The following GLP2R variants were observed in gnomAD, a reference collection of about 807,000 sequenced individuals.
GLP2R encodes glucagon-like peptide 2 receptor.
In GLP2R, 59 loss-of-function variants were observed where a neutral mutation model predicts 68.2. That is an observed-to-expected ratio of 0.87 (90% CI 0.70 to 1.07). GLP2R has a LOEUF of 1.07. Ranked by LOEUF, GLP2R falls within the 50% of genes least tolerant of loss-of-function variation. The probability of loss-of-function intolerance (pLI) is 0.00; values close to 1 mark genes in which losing one functional copy is unlikely to be tolerated. For synonymous variants in GLP2R, 270 were observed against 265.4 expected (o/e 1.02, Z -0.17); for missense variants, 548 against 677.4 (o/e 0.81, Z 2.12).
At chr17:9,881,023 T>C (rs1446356277) in intron 11 of GLP2R, among the ~76,000 whole-genome samples, 2 of 152,196 alleles carry the variant, frequency 1.3e-5, no homozygotes, top group Middle Eastern at 3.2e-3. Flanking sequence ...TGGTCATCTA[T>C]TGCTTAAATT....
At chr17:9,870,260 T>C (rs948114557) in intron 9 of GLP2R, among the ~76,000 whole-genome samples, 1 of 152,202 alleles carries the variant, frequency 6.6e-6, no homozygotes, top group African/African-American at 2.4e-5. Context: ...AAAATAGTTG[T>C]GGCTACCTTA....
rs1597406054 is a variant in GLP2R, at chr17:9,884,138, A to G, written c.1284+3622A>G. Among the ~76,000 whole-genome samples the G allele has an allele frequency of 2.0e-5, 3 of 152,230 alleles. No individual in the cohort carries two copies. The South Asian group carries it at 6.2e-4, about 31-fold the overall frequency. On this transcript the variant is annotated intron_variant, in intron 11 of 12. Coordinates refer to ENST00000262441, the MANE Select transcript of GLP2R (RefSeq NM_004246.3). ...ATATAGGAGAACATTTTTATATTTT[A>G]CCAGGCTTAAGTTAGTGTTAATATG...
rs370245626 is a variant in GLP2R at position 9,827,696 on chromosome 17, C to A, written c.189+1444C>A. 2.0e-5 allele frequency among the ~76,000 whole-genome samples: 3 copies of A among 152,168 alleles called. No individual in the cohort carries two copies. The East Asian group carries it at 5.8e-4, about 29-fold the overall frequency. On this transcript the variant is annotated intron_variant, in intron 1 of 12. Coordinates refer to ENST00000262441, the MANE Select transcript of GLP2R (RefSeq NM_004246.3). Reference sequence around the variant, plus strand: ...GAATGGCTCAGACTGGGCACGGTAGCTCACGCCTGTAACCCCAACACTTTG... The same window carrying A: ...GAATGGCTCAGACTGGGCACGGTAGATCACGCCTGTAACCCCAACACTTTG...
At position 9,889,955 on chromosome 17, in the gene GLP2R, A is replaced by G. The variant is rs2067277505; in HGVS notation, c.*250A>G. 1 of 574,530 alleles carries G rather than the reference A, an allele frequency of 1.7e-6. No homozygotes were observed. The highest frequency in any genetic ancestry group is 3.3e-6 in the Non-Finnish European group (1 of 303,644). The allele number at this position is 574,530 out of a possible 1,614,324, so 35.6% of individuals were successfully genotyped here. On this transcript the variant is annotated 3_prime_UTR_variant, in exon 13 of 13. Coordinates refer to ENST00000262441, the MANE Select transcript of GLP2R (RefSeq NM_004246.3). ...CAGTGTGTTTTCCACAATGCCCACC[A>G]GACCCTAGGGCCTGGCTCTAAATTC...
chr17:9,827,574 T>C (rs2066643754), intron 1 of GLP2R, among the ~76,000 whole-genome samples: 1 of 152,228 alleles, frequency 6.6e-6, no homozygotes, highest in African/African-American at 2.4e-5. Context: ...TCGTCCTCTT[T>C]CCAAGTTTCC....
rs1331382372 is a variant in GLP2R at position 9,881,494 on chromosome 17, C to T, written c.1284+978C>T. ...CTCCCGGGTTCACGCCATTCTCCTGCCTCAGCCTCCCAAGTAGCTGGGACT... is the reference window on the plus strand; with the variant it reads ...CTCCCGGGTTCACGCCATTCTCCTGTCTCAGCCTCCCAAGTAGCTGGGACT... On this transcript the variant is annotated intron_variant, in intron 11 of 12. Coordinates refer to ENST00000262441, the MANE Select transcript of GLP2R (RefSeq NM_004246.3). Among the ~76,000 whole-genome samples the T allele has an allele frequency of 5.7e-5, 8 of 140,280 alleles. 2 individuals carry two copies. Among genetic ancestry groups the T allele is most frequent in the African/African-American group, 2.5e-4 (8 of 32,600 alleles). The allele number at this position is 140,280 out of a possible 152,430, so 92.0% of individuals were successfully genotyped here. A position where few individuals can be genotyped will look rare whatever the true frequency, so the allele number is the denominator to read the frequency against.
At chr17:9,864,698 T>G (rs940926770) in intron 9 of GLP2R, among the ~76,000 whole-genome samples, 1 of 152,006 alleles carries the variant, frequency 6.6e-6, no homozygotes, top group African/African-American at 2.4e-5. Context: ...AATTTTTGTA[T>G]TTTTAGTAGA....
intron 6 of GLP2R, among the ~76,000 whole-genome samples, chr17:9,858,789 G>A (rs2066957072): frequency 6.6e-6 from 1 of 152,146 alleles, no homozygotes; most frequent in Non-Finnish European, 1.5e-5. Flanking sequence ...TCTTTTTCAA[G>A]TCCATTGGAT....
chr17:9,868,630 G>C (rs1597396164), intron 9 of GLP2R, among the ~76,000 whole-genome samples: 1 of 152,216 alleles, frequency 6.6e-6, no homozygotes, highest in East Asian at 1.9e-4. Context: ...CTTCTTGGAA[G>C]CCCAGATGAG....
chr17:9,826,078 G>A lies in GLP2R; in HGVS notation c.15G>A (p.Ser5=), dbSNP rs114279520. The change falls in exon 1 of 13, where the codon TCG becomes TCA. Residue 5 remains serine (S), a synonymous_variant. Transcript: ENST00000262441. MKLG[S]SRAGPGRGSA... is the part of the protein sequence containing the mutation. ...GCACGAGGAAGATGAAGCTGGGATCGAGCAGGGCAGGGCCTGGGAGAGGAA... is the reference window on the plus strand; with the variant it reads ...GCACGAGGAAGATGAAGCTGGGATCAAGCAGGGCAGGGCCTGGGAGAGGAA... 41 of 1,611,820 alleles carry A rather than the reference G, an allele frequency of 2.5e-5. No homozygotes were observed. In the East Asian group the frequency reaches 5.1e-4, roughly 20 times the overall value.
intron 3 of GLP2R, among the ~76,000 whole-genome samples, chr17:9,841,926 G>C (rs2066790997): frequency 6.6e-6 from 1 of 152,204 alleles, no homozygotes; most frequent in Non-Finnish European, 1.5e-5. Flanking sequence ...TGTATGCGCA[G>C]AGGGATTTTT....
At chr17:9,883,239 G>A (rs1359121257) in intron 11 of GLP2R, among the ~76,000 whole-genome samples, 4 of 152,130 alleles carry the variant, frequency 2.6e-5, no homozygotes, top group African/African-American at 9.7e-5. Context: ...TATTAGGAAA[G>A]CTTAGATTTA....
At chr17:9,871,563 C>A (rs1480710083) in intron 10 of GLP2R, among the ~76,000 whole-genome samples, 2 of 152,122 alleles carry the variant, frequency 1.3e-5, no homozygotes, top group Non-Finnish European at 2.9e-5. Flanking sequence ...GTTGTCGCTG[C>A]ATCTCACCTT....
In GLP2R at chr17:9,866,893, A is replaced by G. The variant is rs908629887; in HGVS notation, c.1057-3854A>G. ...AAACCACAACGTGGAAGGAACCTGGATTCCTGAATGACTGTATGGAGCAGA... is the reference window on the plus strand; with the variant it reads ...AAACCACAACGTGGAAGGAACCTGGGTTCCTGAATGACTGTATGGAGCAGA... On this transcript the variant is annotated intron_variant, in intron 9 of 12. Transcript: ENST00000262441. 11 of 152,228 alleles carry G rather than the reference A, an allele frequency of 7.2e-5. 1 individual carries two copies. Among genetic ancestry groups the G allele is most frequent in the Admixed American group, 2.6e-4 (4 of 15,290 alleles). 9.4% of individuals were successfully genotyped at this position (152,228 alleles called of 1,614,324 possible).
intron 3 of GLP2R, among the ~76,000 whole-genome samples, chr17:9,840,401 G>A (rs1340294984): frequency 6.6e-6 from 1 of 152,160 alleles, no homozygotes; most frequent in Non-Finnish European, 1.5e-5. Context: ...CCAGCACAAA[G>A]CATTATGGCT....
rs557917157 is a variant in GLP2R, at chr17:9,888,676, A to T, written c.1327-694A>T. On this transcript the variant is annotated intron_variant, in intron 12 of 12. Transcript: ENST00000262441. Reference sequence around the variant, plus strand: ...GAGATGGGGTTTCACCATGTTGGCCAGGCTGGTCTCAAACTCCTGATCTCA... The same window carrying T: ...GAGATGGGGTTTCACCATGTTGGCCTGGCTGGTCTCAAACTCCTGATCTCA... 1.1e-4 allele frequency among the ~76,000 whole-genome samples: 17 copies of T among 152,324 alleles called. No homozygotes were observed. In the South Asian group the frequency reaches 2.9e-3, roughly 26 times the overall value.
chr17:9,876,658 C>A (rs942201530), intron 10 of GLP2R, among the ~76,000 whole-genome samples: 2 of 152,100 alleles, frequency 1.3e-5, no homozygotes, highest in Non-Finnish European at 2.9e-5. Context: ...GGGAGAAGGG[C>A]GGGAGGTTAG....
chr17:9,857,913 C>T (rs1433025534), intron 6 of GLP2R, among the ~76,000 whole-genome samples: 1 of 152,170 alleles, frequency 6.6e-6, no homozygotes, highest in Non-Finnish European at 1.5e-5. Flanking sequence ...TGAATTTAAC[C>T]AACTGGGGAT....
intron 1 of GLP2R, among the ~76,000 whole-genome samples, chr17:9,826,863 TTTTGTTTGTTTG>T (rs747548856): frequency 6.6e-6 from 1 of 152,086 alleles, no homozygotes; most frequent in Non-Finnish European, 1.5e-5. Flanking sequence ...GCATACAGTT[TTTTGTTTGTTTG>T]TTTGTTTGTT....
Sources: gnomAD v4.1 joint callset for allele counts (sites outside exome capture counted in the v4.1 genomes callset) on GRCh38, gnomAD v4.1.1 for gene constraint, MANE v1.5 for transcripts, NCBI Gene and HGNC (gene_info 2026-07-23, HGNC 2026-07-21) for gene names.